ROBO1: variants seen among roughly 807,000 people sequenced by gnomAD.
The protein encoded by ROBO1 is roundabout homolog 1.
ROBO1 carries 149 observed loss-of-function variants against 195.9 expected under a neutral mutation model. The ratio of observed to expected loss-of-function variants is 0.76; its 90% CI spans 0.67 to 0.87. The LOEUF (loss-of-function observed/expected upper bound fraction) is 0.87, where lower values mean the gene tolerates loss of function less well. Among genes scored for constraint, ROBO1 ranks in the 40% least tolerant of loss-of-function variants. The pLI, the probability that ROBO1 is intolerant of heterozygous loss-of-function variation, is 0.00. For missense variants in ROBO1, 1,933 were observed against 2,068.3 expected, an observed-to-expected ratio of 0.93 and a Z score of 1.27; for synonymous variants, 816 against 733.2, an observed-to-expected ratio of 1.11 and a Z score of -1.82.
chr3:79,005,230 G>A lies in ROBO1; in HGVS notation c.173-66303C>T, dbSNP rs113121981. Among the ~76,000 whole-genome samples the A allele has an allele frequency of 5.9e-5, 9 of 152,200 alleles. 1 individual carries two copies. The highest frequency in any genetic ancestry group is 1.9e-4 in the African/African-American group (8 of 41,530). ...ACTGCACCTGACCTCTTCCCTGCCCGTGCCTTGACCTTCTCCCACTCAGAC... is the reference window on the plus strand; with the variant it reads ...ACTGCACCTGACCTCTTCCCTGCCCATGCCTTGACCTTCTCCCACTCAGAC... On this transcript the variant is annotated intron_variant, in intron 3 of 30. Coordinates refer to ENST00000464233, the MANE Select transcript of ROBO1 (RefSeq NM_002941.4).
chr3:79,560,632 C>T (rs1388308309), intron 2 of ROBO1, among the ~76,000 whole-genome samples: 4 of 148,454 alleles, frequency 2.7e-5, no homozygotes, highest in Non-Finnish European at 4.5e-5. Flanking sequence ...ATTAGTCATC[C>T]GAGACCTAGT....
At chr3:79,666,448 A>G (rs1321491079) in intron 1 of ROBO1, among the ~76,000 whole-genome samples, 1 of 152,000 alleles carries the variant, frequency 6.6e-6, no homozygotes, top group East Asian at 1.9e-4. Context: ...ATTTGGCTAT[A>G]TCCCCACTGA....
chr3:79,355,694 A>C (rs1489849), intron 2 of ROBO1, among the ~76,000 whole-genome samples: 63,268 of 152,058 alleles, frequency 0.42, 17,898 homozygotes, highest in African/African-American at 0.81. Flanking sequence ...TTCCACCGAA[A>C]ATAATGCCCT....
At chr3:79,636,645 T>G (rs551167229) in intron 1 of ROBO1, among the ~76,000 whole-genome samples, 93 of 152,240 alleles carry the variant, frequency 6.1e-4, no homozygotes, top group Admixed American at 9.8e-4. Context: ...TCACGTGCAC[T>G]TTTTATCCCA....
At chr3:78,813,092 T>A (rs2084791640) in intron 4 of ROBO1, among the ~76,000 whole-genome samples, 1 of 152,070 alleles carries the variant, frequency 6.6e-6, no homozygotes, top group Non-Finnish European at 1.5e-5. Flanking sequence ...AAGTGATTCA[T>A]TAACAAAACT....
At chr3:78,884,631 A>AAGAAAGAAAGAGAGAAAG (rs2036402023) in intron 4 of ROBO1, among the ~76,000 whole-genome samples, 1 of 103,570 alleles carries the variant, frequency 9.7e-6, no homozygotes, top group African/African-American at 3.8e-5. Flanking sequence ...GAGAGAAAGA[A>AAGAAAGAAAGAGAGAAAG]AGAGAAAGAA....
At chr3:79,133,763 C>T (rs1242341462) in intron 2 of ROBO1, among the ~76,000 whole-genome samples, 29 of 127,046 alleles carry the variant, frequency 2.3e-4, no homozygotes, top group African/African-American at 6.4e-4. Context: ...AGGCGCTCTG[C>T]GTTTTAGAGT....
At chr3:79,295,822 T>C (rs1303988184) in intron 2 of ROBO1, among the ~76,000 whole-genome samples, 1 of 152,176 alleles carries the variant, frequency 6.6e-6, no homozygotes, top group Non-Finnish European at 1.5e-5. Flanking sequence ...GTTTGACTCT[T>C]AATGAAAGCG....
chr3:79,204,598 T>C (rs2081831954), intron 2 of ROBO1, among the ~76,000 whole-genome samples: 1 of 152,154 alleles, frequency 6.6e-6, no homozygotes, highest in Non-Finnish European at 1.5e-5. Context: ...GTATGTGAAC[T>C]TAATTGGATT....
intron 2 of ROBO1, among the ~76,000 whole-genome samples, chr3:79,336,819 G>A (rs1330134471): frequency 2.0e-5 from 3 of 152,190 alleles, no homozygotes; most frequent in Non-Finnish European, 2.9e-5. Flanking sequence ...AAGGGGGGCT[G>A]TACCCTGCAA....
chr3:79,632,577 T>A (rs1945376728), intron 1 of ROBO1, among the ~76,000 whole-genome samples: 1 of 152,152 alleles, frequency 6.6e-6, no homozygotes, highest in Admixed American at 6.6e-5. Context: ...CTCACCATTA[T>A]GCAATATATC....
chr3:78,696,046 T>C (rs1425770080), intron 8 of ROBO1, among the ~76,000 whole-genome samples: 1 of 151,680 alleles, frequency 6.6e-6, no homozygotes, highest in Non-Finnish European at 1.5e-5. Flanking sequence ...GGATTTCCTT[T>C]CCATACAGAG....
intron 1 of ROBO1, among the ~76,000 whole-genome samples, chr3:79,684,602 A>AT: frequency 6.6e-6 from 1 of 152,040 alleles, no homozygotes; most frequent in East Asian, 1.9e-4. Context: ...TGGGTCATAC[A>AT]TTTTTTATTT....
intron 2 of ROBO1, among the ~76,000 whole-genome samples, chr3:79,380,073 T>C (rs2036518792): frequency 6.6e-6 from 1 of 152,224 alleles, no homozygotes; most frequent in South Asian, 2.1e-4. Flanking sequence ...ATAATTATTC[T>C]AACCTTCCAA....
chr3:78,769,121 T>C (rs9309818), intron 4 of ROBO1, among the ~76,000 whole-genome samples: 55,371 of 151,898 alleles, frequency 0.36, 10,897 homozygotes, highest in Middle Eastern at 0.5. Context: ...CTTTGTTGAC[T>C]TTCTGTCTTG....
intron 3 of ROBO1, among the ~76,000 whole-genome samples, chr3:79,097,775 A>G (rs1484188684): frequency 6.6e-6 from 1 of 151,692 alleles, no homozygotes; most frequent in Non-Finnish European, 1.5e-5. Flanking sequence ...TCTTTCTCAT[A>G]TCCTTCTAAA....
At chr3:79,464,462 G>A (rs1455726993) in intron 2 of ROBO1, among the ~76,000 whole-genome samples, 3 of 152,070 alleles carry the variant, frequency 2.0e-5, no homozygotes, top group African/African-American at 7.2e-5. Context: ...AGTCATCCTA[G>A]TGGATGTGAA....
At chr3:79,538,210 T>C (rs1941944216) in intron 2 of ROBO1, among the ~76,000 whole-genome samples, 1 of 152,152 alleles carries the variant, frequency 6.6e-6, no homozygotes, top group South Asian at 2.1e-4. Context: ...TGTAACACTT[T>C]TGTGTCTGAA....
At chr3:79,339,008 T>A (rs1429603453) in intron 2 of ROBO1, among the ~76,000 whole-genome samples, 1 of 152,186 alleles carries the variant, frequency 6.6e-6, no homozygotes, top group African/African-American at 2.4e-5. Flanking sequence ...CCTTGACTCA[T>A]CTCTTTCTTT....
Sources: gnomAD v4.1 joint callset for allele counts (sites outside exome capture counted in the v4.1 genomes callset) on GRCh38, gnomAD v4.1.1 for gene constraint, MANE v1.5 for transcripts, NCBI Gene and HGNC (gene_info 2026-07-23, HGNC 2026-07-21) for gene names.